The following RPN2 variants were observed in gnomAD, a reference collection of about 807,000 sequenced individuals.
RPN2 encodes ribophorin II.
Under a neutral mutation model 71.4 loss-of-function variants are expected in RPN2, and 29 were observed. The observed-to-expected ratio is 0.41, with a 90% CI of 0.30 to 0.55. RPN2 has a LOEUF of 0.55. Ranked by LOEUF, RPN2 falls within the 20% of genes least tolerant of loss-of-function variation. The pLI, the probability that RPN2 is intolerant of heterozygous loss-of-function variation, is 0.35. For synonymous variants in RPN2, 308 were observed against 305.0 expected, an observed-to-expected ratio of 1.01 and a Z score of -0.10; for missense variants, 726 against 774.1, an observed-to-expected ratio of 0.94 and a Z score of 0.74.
chr20:37,197,638 G>A (rs994396396), intron 2 of RPN2, among the ~76,000 whole-genome samples: 19 of 152,146 alleles, frequency 1.2e-4, no homozygotes, highest in African/African-American at 4.1e-4. Context: ...ACTGGGTCTC[G>A]CTCTGTCTCC....
intron 3 of RPN2, 143 bp downstream of exon 3, chr20:37,198,635 T>TTC (rs2146562147): frequency 6.9e-7 from 1 of 1,452,990 alleles, no homozygotes; most frequent in East Asian, 2.5e-5. Context: ...ATTTTTTTTT[T>TTC]CCTTAAGAAA....
Position 37,213,811 on chromosome 20 carries a change from T to C in RPN2, c.1038T>C (p.Tyr346=). 6.2e-7 allele frequency: 1 copy of C among 1,614,192 alleles called. No homozygotes were observed. Among genetic ancestry groups the C allele is most frequent in the African/African-American group, 1.3e-5 (1 of 75,070 alleles). Residue 346 remains tyrosine (Y), a synonymous_variant, in exon 9 of 17, where the codon TAT becomes TAC. Coordinates refer to ENST00000237530, the MANE Select transcript of RPN2 (RefSeq NM_002951.5). ...FMNVKFSSGY[Y]DFLVEVEGDN... Reference sequence around the variant, plus strand: ...ACGTCAAATTTTCCAGTGGTTATTATGACTTCCTTGTCGAAGTTGAAGGTG... The same window carrying C: ...ACGTCAAATTTTCCAGTGGTTATTACGACTTCCTTGTCGAAGTTGAAGGTG...
intron 9 of RPN2, among the ~76,000 whole-genome samples, chr20:37,222,725 C>T (rs190125952): frequency 3.3e-3 from 508 of 152,310 alleles, no homozygotes; most frequent in Non-Finnish European, 4.8e-3. Flanking sequence ...GGAAGGCTTA[C>T]AGATCTGTTT....
chr20:37,191,382 A>C (rs2067136633), intron 2 of RPN2, among the ~76,000 whole-genome samples: 1 of 151,806 alleles, frequency 6.6e-6, no homozygotes. Flanking sequence ...AGGCCGAGGC[A>C]GGAGAATTGC....
intron 9 of RPN2, 24 bp from the exon 10 acceptor site, chr20:37,223,854 A>T: frequency 6.2e-7 from 1 of 1,604,140 alleles, no homozygotes; most frequent in East Asian, 2.2e-5. Flanking sequence ...TGACCTGGCA[A>T]CTGTCTTCTC....
At chr20:37,211,255 G>C (rs756616419) in intron 8 of RPN2, among the ~76,000 whole-genome samples, 47 of 151,362 alleles carry the variant, frequency 3.1e-4, no homozygotes, top group South Asian at 1.7e-3. Flanking sequence ...GGCTGGTCTT[G>C]AACTCCTGAC....
intron 9 of RPN2, 108 bp downstream of exon 9, chr20:37,213,973 C>G (rs1434901098): frequency 1.2e-6 from 1 of 845,416 alleles, no homozygotes; most frequent in African/African-American, 1.7e-5. Flanking sequence ...TACAACCAAG[C>G]TAATGTGTTT....
At chr20:37,217,324 C>T (rs1261913142) in intron 9 of RPN2, among the ~76,000 whole-genome samples, 1 of 150,246 alleles carries the variant, frequency 6.7e-6, no homozygotes, top group African/African-American at 2.5e-5. Flanking sequence ...AACAGAGTCT[C>T]GCTCTGTCAC....
At chr20:37,223,139 C>T (rs923535482) in intron 9 of RPN2, among the ~76,000 whole-genome samples, 1 of 152,236 alleles carries the variant, frequency 6.6e-6, no homozygotes. Flanking sequence ...CACATTGATT[C>T]TTAAAGCTTT....
intron 1 of RPN2, among the ~76,000 whole-genome samples, chr20:37,183,957 G>A (rs1450335846): frequency 1.3e-5 from 2 of 152,136 alleles, no homozygotes; most frequent in African/African-American, 2.4e-5. Flanking sequence ...GTAGGATAAG[G>A]CCTGTGCTTT....
intron 16 of RPN2, chr20:37,238,753 C>T (rs764574650): frequency 3.2e-6 from 2 of 629,122 alleles, no homozygotes; most frequent in East Asian, 3.5e-5. Flanking sequence ...TATTTATAGA[C>T]AAGCCTCTCT....
chr20:37,189,468 T>G (rs1358857681), intron 2 of RPN2, among the ~76,000 whole-genome samples: 1 of 152,172 alleles, frequency 6.6e-6, no homozygotes, highest in African/African-American at 2.4e-5. Context: ...CAACTGGTCC[T>G]TTACAGAAAA....
intron 16 of RPN2, chr20:37,238,275 G>T: frequency 1.3e-6 from 1 of 765,402 alleles, no homozygotes; most frequent in South Asian, 1.5e-5. Context: ...GTCCTAGAAT[G>T]AACTCTACCC....
intron 3 of RPN2, 96 bp downstream of exon 3, chr20:37,198,588 A>G: frequency 6.4e-7 from 1 of 1,574,236 alleles, no homozygotes; most frequent in Non-Finnish European, 8.6e-7. Flanking sequence ...TTTAATTATG[A>G]GAGTCCATTA....
rs1055258098 is a variant in RPN2, at chr20:37,210,236, A to G, written c.986+71A>G. The G allele has an allele frequency of 8.1e-6, 13 of 1,603,586 alleles. No homozygotes were observed. In the Middle Eastern group the frequency reaches 5.0e-4, roughly 61 times the overall value. On this transcript the variant is annotated intron_variant, in intron 8 of 16. Transcript: ENST00000237530. ...GGAAAGTTAGCCTGCAGCCAGTGTA[A>G]CAGATTAATACATTCCAGTTAGGTA...
rs186299043 is a variant in RPN2, at chr20:37,216,231, C to T, written c.1092+2366C>T. On this transcript the variant is annotated intron_variant, in intron 9 of 16. Transcript: ENST00000237530. Reference sequence around the variant, plus strand: ...GCACGTGCCTGTAATCCCAGCTACTCGGGAGGCTGAAGCAGGAGAATCGCT... The same window carrying T: ...GCACGTGCCTGTAATCCCAGCTACTTGGGAGGCTGAAGCAGGAGAATCGCT... Among the ~76,000 whole-genome samples, 480 of 152,020 alleles carry T rather than the reference C, an allele frequency of 3.2e-3. 9 individuals are homozygous for T. Among genetic ancestry groups the T allele is most frequent in the African/African-American group, 0.011 (470 of 41,460 alleles).
chr20:37,180,335 T>C (rs1466773319), intron 1 of RPN2, among the ~76,000 whole-genome samples: 1 of 152,224 alleles, frequency 6.6e-6, no homozygotes. Context: ...GGTAACTACT[T>C]CTGAGCCTTA....
In RPN2 at chr20:37,205,428, A is replaced by G. The variant is rs1054274251; in HGVS notation, c.690+527A>G. ...CAAGAGGAGGTTGTTAACCTGAAAG[A>G]ATCTTTAGTTGGAATGCATGTGGGA... On this transcript the variant is annotated intron_variant, in intron 6 of 16. Transcript: ENST00000237530. Among the ~76,000 whole-genome samples the G allele has an allele frequency of 5.9e-5, 9 of 152,092 alleles. No individual in the cohort carries two copies. The East Asian group carries it at 1.7e-3, about 29-fold the overall frequency.
rs1231253326 is a variant in RPN2, at chr20:37,228,733, C to G, written c.1483C>G (p.Leu495Val). 6 of 1,614,168 alleles carry G rather than the reference C, an allele frequency of 3.7e-6. No individual in the cohort carries two copies. The highest frequency in any genetic ancestry group is 5.1e-6 in the Non-Finnish European group (6 of 1,180,004). Residue 495 changes from leucine (L) to valine (V), a missense_variant, in exon 12 of 17, where the codon CTC (leucine) becomes GTC (valine). Physicochemically the swap from Leu to Val is conservative, Grantham distance 32. Transcript: ENST00000237530. Reference sequence around the variant, plus strand: ...AGATGCCACTTTGAAGAACCCAATCCTCTGGAATGTGGTATGTGCCTGAAT... The same window carrying G: ...AGATGCCACTTTGAAGAACCCAATCGTCTGGAATGTGGTATGTGCCTGAAT... ...IGDATLKNPILWNVADVVIKF... is the reference protein window; with the variant it reads ...IGDATLKNPIVWNVADVVIKF...
Sources: gnomAD v4.1 joint callset for allele counts (sites outside exome capture counted in the v4.1 genomes callset) on GRCh38, gnomAD v4.1.1 for gene constraint, MANE v1.5 for transcripts, NCBI Gene and HGNC (gene_info 2026-07-23, HGNC 2026-07-21) for gene names.